The following BARD1 variants were observed in gnomAD, a reference collection of about 807,000 sequenced individuals.
BARD1 encodes BRCA1-associated RING domain protein 1.
In BARD1, 73 loss-of-function variants were observed where a neutral mutation model predicts 77.0. The observed-to-expected ratio is 0.95, with a 90% confidence interval of 0.79 to 1.15. The LOEUF (loss-of-function observed/expected upper bound fraction) is 1.15, where lower values mean the gene tolerates loss of function less well. Among genes scored for constraint, BARD1 ranks in the 50% most tolerant of loss-of-function variants. BARD1 has a pLI of 0.00. For synonymous variants in BARD1, 384 were observed against 338.0 expected (o/e 1.14, Z -1.49); for missense variants, 993 against 938.8 (o/e 1.06, Z -0.75).
At chr2:214,761,904 T>C (rs147118797) in intron 6 of BARD1, among the ~76,000 whole-genome samples, 110 of 152,286 alleles carry the variant, frequency 7.2e-4, no homozygotes, top group Middle Eastern at 3.4e-3. Context: ...CAATAAGAAA[T>C]AGAAGTTAAT....
intron 9 of BARD1, among the ~76,000 whole-genome samples, chr2:214,735,518 C>T (rs943345170): frequency 1.3e-5 from 2 of 152,112 alleles, no homozygotes; most frequent in Non-Finnish European, 2.9e-5. Context: ...AATCCACAAA[C>T]AATGAGGATT....
chr2:214,797,175 A>ATTGGG, intron 1 of BARD1, 58 bp from the exon 2 acceptor site: 1 of 1,355,262 alleles, frequency 7.4e-7, no homozygotes, highest in Non-Finnish European at 1.1e-6. Flanking sequence ...AACATCTCAC[A>ATTGGG]CCCAATATTT....
At position 214,792,395 on chromosome 2, in the gene BARD1, G is replaced by T. The variant is rs780241203; in HGVS notation, c.266C>A (p.Pro89Gln). 1 of 1,612,002 alleles carries T rather than the reference G, an allele frequency of 6.2e-7. No individual in the cohort carries two copies. Among genetic ancestry groups the T allele is most frequent in the South Asian group, 1.1e-5 (1 of 90,976 alleles). Residue 89 changes from proline to glutamine, a missense_variant, in exon 3 of 11, where the codon CCG becomes CAG. Coordinates refer to ENST00000260947, the MANE Select transcript of BARD1 (RefSeq NM_000465.4). Reference protein sequence around the residue: ...IGTGCPVCYTPAWIQDLKINR... With the variant: ...IGTGCPVCYTQAWIQDLKINR... Reference sequence around the variant, plus strand: ...TATCTTCAAGTCTTGTATCCAGGCCGGGGTGTAACACACTGGACATCCAGT... The same window carrying T: ...TATCTTCAAGTCTTGTATCCAGGCCTGGGTGTAACACACTGGACATCCAGT...
intron 2 of BARD1, 56 bp downstream of exon 2, chr2:214,797,005 T>C: frequency 7.7e-7 from 1 of 1,302,544 alleles, no homozygotes; most frequent in Non-Finnish European, 1.1e-6. Context: ...GATTACATGA[T>C]TGTTATCTAG....
At chr2:214,745,659 C>A in intron 8 of BARD1, 63 bp downstream of exon 8, 1 of 1,574,010 alleles carries the variant, frequency 6.4e-7, no homozygotes, top group Admixed American at 1.7e-5. Flanking sequence ...AAAGGTAGTT[C>A]TCCAAAAGGA....
chr2:214,800,551 T>C (rs1574853279), intron 1 of BARD1, among the ~76,000 whole-genome samples: 1 of 152,152 alleles, frequency 6.6e-6, no homozygotes, highest in African/African-American at 2.4e-5. Flanking sequence ...CATGTATCTT[T>C]AGAAAAACTT....
intron 7 of BARD1, among the ~76,000 whole-genome samples, chr2:214,748,641 C>T (rs2106027972): frequency 6.6e-6 from 1 of 152,062 alleles, no homozygotes; most frequent in Admixed American, 6.5e-5. Flanking sequence ...GGTTGCTTCT[C>T]AAAGCAGATT....
intron 1 of BARD1, among the ~76,000 whole-genome samples, chr2:214,802,472 C>T (rs991540750): frequency 6.6e-6 from 1 of 152,096 alleles, no homozygotes; most frequent in African/African-American, 2.4e-5. Flanking sequence ...GACATAACCC[C>T]ATCTCAAGTT....
rs558385892 is a variant in BARD1 at position 214,807,238 on chromosome 2, T to C, written c.158+2174A>G. Among the ~76,000 whole-genome samples the C allele has an allele frequency of 2.0e-5, 3 of 152,180 alleles. No individual in the cohort carries two copies. In the South Asian group the frequency reaches 6.2e-4, roughly 32 times the overall value. The stretch of plus-strand genomic sequence containing the variant: ...ATTAAAAAAAAAAAAATCAATAGCA[T>C]TCAATAGCATTCTGTAGTCAAATGG... On this transcript the variant is annotated intron_variant, in intron 1 of 10. Transcript: ENST00000260947.
Position 214,780,978 on chromosome 2 carries a change from G to A in BARD1, c.896C>T (p.Thr299Ile), listed in dbSNP as rs141934748. The A allele has an allele frequency of 7.4e-6, 12 of 1,613,574 alleles. No individual in the cohort carries two copies. The highest frequency in any genetic ancestry group is 4.0e-5 in the African/African-American group (3 of 75,000). Residue 299 changes from threonine to isoleucine, a missense_variant, in exon 4 of 11, where the codon ACT (threonine) becomes ATT (isoleucine). By Grantham distance (89) the Thr-to-Ile change is moderately conservative (BLOSUM62 -1). Transcript: ENST00000260947. ...PDTKSRNEVV[T>I]PEKVCKNYLT... Reference sequence around the variant, plus strand: ...ATAATTTTTGCAGACCTTCTCAGGAGTCACTACTTCATTCCTGCTCTTAGT... The same window carrying A: ...ATAATTTTTGCAGACCTTCTCAGGAATCACTACTTCATTCCTGCTCTTAGT...
At chr2:214,765,769 CAAAT>C in intron 6 of BARD1, among the ~76,000 whole-genome samples, 1 of 152,194 alleles carries the variant, frequency 6.6e-6, no homozygotes, top group East Asian at 1.9e-4. Context: ...CACACACACA[CAAAT>C]AAAAACCGGA....
chr2:214,773,950 T>C (rs950271040), intron 4 of BARD1, among the ~76,000 whole-genome samples: 1 of 152,216 alleles, frequency 6.6e-6, no homozygotes, highest in Non-Finnish European at 1.5e-5. Context: ...TAAGATGATA[T>C]AATTTTCTAA....
rs751710099 is a variant in BARD1, at chr2:214,745,127, G to C, written c.1843C>G (p.Gln615Glu). 1.9e-6 allele frequency: 3 copies of C among 1,613,940 alleles called. No individual in the cohort carries two copies. Among genetic ancestry groups the C allele is most frequent in the Non-Finnish European group, 2.5e-6 (3 of 1,179,926 alleles). ...THVVVPGDAV[Q>E]STLKCMLGIL... ...CCAAGCATACACTTCAAGGTACTTT[G>C]AACTGCATCACCAGGAACAACAACA... is the stretch of plus-strand genomic sequence containing the variant. Residue 615 changes from glutamine (Q) to glutamate (E), a missense_variant, in exon 9 of 11, where the codon CAA becomes GAA. Gln to Glu is a conservative substitution (Grantham distance 29). Transcript: ENST00000260947.
At chr2:214,783,418 T>C (rs1369253581) in intron 3 of BARD1, among the ~76,000 whole-genome samples, 2 of 152,156 alleles carry the variant, frequency 1.3e-5, no homozygotes, top group East Asian at 1.9e-4. Flanking sequence ...TGCAGGGACA[T>C]GGATAATGCT....
intron 4 of BARD1, among the ~76,000 whole-genome samples, chr2:214,771,869 A>G (rs1319655649): frequency 6.6e-6 from 1 of 150,650 alleles, no homozygotes; most frequent in African/African-American, 2.4e-5. Flanking sequence ...ATGACCTTAA[A>G]TGCTCAATGG....
intron 9 of BARD1, among the ~76,000 whole-genome samples, chr2:214,732,905 C>T (rs76068019): frequency 0.067 from 10,191 of 151,970 alleles, 480 homozygotes; most frequent in African/African-American, 0.13. Flanking sequence ...TTGGAGTAAG[C>T]GACAGAACTG....
chr2:214,760,457 T>G (rs1321301252), intron 6 of BARD1, among the ~76,000 whole-genome samples: 1 of 152,002 alleles, frequency 6.6e-6, no homozygotes, highest in Non-Finnish European at 1.5e-5. Flanking sequence ...CCTCCCAAAG[T>G]GTTGGGATTA....
rs1694134298 is a variant in BARD1 at position 214,765,072 on chromosome 2, G to A, written c.1568+2410C>T. 2.0e-5 allele frequency among the ~76,000 whole-genome samples: 3 copies of A among 152,074 alleles called. No individual in the cohort carries two copies. The South Asian group carries it at 6.2e-4, about 32-fold the overall frequency. On this transcript the variant is annotated intron_variant, in intron 6 of 10. Coordinates refer to ENST00000260947, the MANE Select transcript of BARD1 (RefSeq NM_000465.4). Reference sequence around the variant, plus strand: ...CAACACAGTAGTCACTGGCACATATGGTTAAAATAAAATACATTTTAAAAT... The same window carrying A: ...CAACACAGTAGTCACTGGCACATATAGTTAAAATAAAATACATTTTAAAAT...
At chr2:214,791,524 A>C (rs1254287756) in intron 3 of BARD1, among the ~76,000 whole-genome samples, 5 of 152,220 alleles carry the variant, frequency 3.3e-5, no homozygotes, top group Non-Finnish European at 5.9e-5. Flanking sequence ...TGAAGATACA[A>C]AACATTTTAC....
Sources: allele counts gnomAD v4.1 joint callset (sites outside exome capture counted in the v4.1 genomes callset), GRCh38; gene constraint gnomAD v4.1.1; transcripts MANE v1.5; gene names NCBI Gene and HGNC (gene_info 2026-07-23, HGNC 2026-07-21).